The following DAPP1 variants were observed in gnomAD, a reference collection of about 807,000 sequenced individuals.
DAPP1 encodes the protein dual adapter for phosphotyrosine and 3-phosphotyrosine and 3-phosphoinositide.
DAPP1 carries 20 observed loss-of-function variants against 41.5 expected under a neutral mutation model. The ratio of observed to expected loss-of-function variants is 0.48; its 90% CI spans 0.34 to 0.70. The LOEUF (loss-of-function observed/expected upper bound fraction) is 0.70, where lower values mean the gene tolerates loss of function less well. Among genes scored for constraint, DAPP1 ranks in the 30% least tolerant of loss-of-function variants. The pLI, the probability that DAPP1 is intolerant of heterozygous loss-of-function variation, is 0.01. For missense variants in DAPP1, 233 were observed against 333.4 expected, an observed-to-expected ratio of 0.70 and a Z score of 2.35; for synonymous variants, 113 against 116.2, an observed-to-expected ratio of 0.97 and a Z score of 0.18.
At chr4:99,820,662 T>A (rs913433408) in intron 1 of DAPP1, among the ~76,000 whole-genome samples, 13 of 152,212 alleles carry the variant, frequency 8.5e-5, no homozygotes, top group African/African-American at 3.1e-4. Flanking sequence ...GAGTAGACCA[T>A]GGAGCAGCAA....
At chr4:99,827,786 G>T (rs7663454) in intron 1 of DAPP1, among the ~76,000 whole-genome samples, 3,475 of 152,214 alleles carry the variant, frequency 0.023, 132 homozygotes, top group African/African-American at 0.079. Context: ...AAGTTTGAAA[G>T]GTTTTCAGAT....
At chr4:99,858,037 C>T (rs1724107542) in intron 4 of DAPP1, among the ~76,000 whole-genome samples, 1 of 152,162 alleles carries the variant, frequency 6.6e-6, no homozygotes, top group African/African-American at 2.4e-5. Flanking sequence ...CTGAATATTT[C>T]AGTGTGTATT....
chr4:99,828,555 G>C (rs57412643), intron 1 of DAPP1, among the ~76,000 whole-genome samples: 3 of 151,980 alleles, frequency 2.0e-5, no homozygotes, highest in Non-Finnish European at 2.9e-5. Flanking sequence ...AACTATGAAG[G>C]TTCCACTATT....
chr4:99,863,533 C>T (rs1724313021), intron 6 of DAPP1, among the ~76,000 whole-genome samples: 1 of 152,070 alleles, frequency 6.6e-6, no homozygotes, highest in African/African-American at 2.4e-5. Flanking sequence ...GTGTTAAAAT[C>T]CATCTTCATC....
chr4:99,830,547 T>C (rs903899269), intron 1 of DAPP1, among the ~76,000 whole-genome samples: 8 of 152,110 alleles, frequency 5.3e-5, no homozygotes, highest in Non-Finnish European at 1.0e-4. Context: ...AGCCTCAATA[T>C]CCTCCACCTT....
chr4:99,870,141 C>T lies in DAPP1; in HGVS notation c.*1956C>T, dbSNP rs1022403732. The T allele has an allele frequency of 7.9e-5, 12 of 151,946 alleles. No individual in the cohort carries two copies. Among genetic ancestry groups the T allele is most frequent in the African/African-American group, 2.9e-4 (12 of 41,350 alleles). 9.4% of individuals were successfully genotyped at this position (151,946 alleles called of 1,614,324 possible). A position where few individuals can be genotyped will look rare whatever the true frequency, so the allele number is the denominator to read the frequency against. On this transcript the variant is annotated 3_prime_UTR_variant, in exon 9 of 9. Transcript: ENST00000512369. ...TATTAAAAAGCATGATTTTGCTGTG[C>T]ATGTACCATTTTGCTATTAAAATTT... is the stretch of plus-strand genomic sequence containing the variant.
chr4:99,870,652 A>G (rs1026541052), downstream of DAPP1, among the ~76,000 whole-genome samples: 1 of 152,224 alleles, frequency 6.6e-6, no homozygotes, highest in Non-Finnish European at 1.5e-5. Context: ...TGCCAACGGC[A>G]GATCAGAGCA....
chr4:99,832,687 ATAGT>A (rs1723167600), intron 1 of DAPP1, among the ~76,000 whole-genome samples: 1 of 152,270 alleles, frequency 6.6e-6, no homozygotes, highest in African/African-American at 2.4e-5. Flanking sequence ...TTTATGGTAT[ATAGT>A]TATTGTTTTT....
chr4:99,856,804 T>G (rs548043667), intron 4 of DAPP1, among the ~76,000 whole-genome samples: 1 of 152,304 alleles, frequency 6.6e-6, no homozygotes, highest in South Asian at 2.1e-4. Flanking sequence ...GTATTTATGC[T>G]AATTCCCTGT....
intron 3 of DAPP1, among the ~76,000 whole-genome samples, chr4:99,842,269 C>G (rs980658172): frequency 2.0e-5 from 3 of 152,248 alleles, no homozygotes; most frequent in Non-Finnish European, 4.4e-5. Flanking sequence ...TTCTCTAAAA[C>G]TCAAACCTGC....
intron 3 of DAPP1, among the ~76,000 whole-genome samples, chr4:99,852,751 A>T (rs1361725701): frequency 6.6e-6 from 1 of 152,206 alleles, no homozygotes; most frequent in Non-Finnish European, 1.5e-5. Flanking sequence ...AATGGAATGG[A>T]TCTTCCTCTA....
intron 4 of DAPP1, 38 bp from the exon 5 acceptor site, chr4:99,861,540 G>T: frequency 6.4e-7 from 1 of 1,554,484 alleles, no homozygotes; most frequent in Non-Finnish European, 8.7e-7. Flanking sequence ...GTCCTGTTGT[G>T]ACAGTTCTGG....
chr4:99,864,011 A>G (rs1724333678), intron 7 of DAPP1, 156 bp downstream of exon 7: 1 of 555,190 alleles, frequency 1.8e-6, no homozygotes, highest in Non-Finnish European at 3.1e-6. Flanking sequence ...GTGTGACATA[A>G]CACCTCATTT....
intron 4 of DAPP1, among the ~76,000 whole-genome samples, chr4:99,856,435 G>A (rs919370820): frequency 2.0e-5 from 3 of 152,144 alleles, no homozygotes; most frequent in African/African-American, 4.8e-5. Flanking sequence ...CAAAATTGAG[G>A]TGCTTCAAAG....
intron 8 of DAPP1, 132 bp from the exon 9 acceptor site, chr4:99,867,984 GT>G (rs995649135): frequency 1.0e-5 from 8 of 790,134 alleles, no homozygotes; most frequent in Middle Eastern, 5.2e-4. Context: ...ATAGTTGGGG[GT>G]GAGCACATGA....
chr4:99,856,685 C>G (rs1474701055), intron 4 of DAPP1, among the ~76,000 whole-genome samples: 1 of 152,176 alleles, frequency 6.6e-6, no homozygotes, highest in Non-Finnish European at 1.5e-5. Context: ...TGCAAGCTAA[C>G]AAGTTAGCCT....
chr4:99,866,631 A>G (rs1724470381), intron 8 of DAPP1: 1 of 763,474 alleles, frequency 1.3e-6, no homozygotes, highest in African/African-American at 1.7e-5. Context: ...GAGTACTTAT[A>G]AAACTTCACC....
At position 99,861,645 on chromosome 4, in the gene DAPP1, C is replaced by T; in HGVS notation, c.537+20C>T. ...GTCAAGGTAAGGAAGTGTGGTTTTGCTCATGCCAGCCACAGAAAAAAGAGA... is the reference window on the plus strand; with the variant it reads ...GTCAAGGTAAGGAAGTGTGGTTTTGTTCATGCCAGCCACAGAAAAAAGAGA... On this transcript the variant is annotated intron_variant, in intron 5 of 8. Coordinates refer to ENST00000512369, the MANE Select transcript of DAPP1 (RefSeq NM_014395.3). 1 of 1,564,090 alleles carries T rather than the reference C, an allele frequency of 6.4e-7. No individual in the cohort carries two copies. The highest frequency in any genetic ancestry group is 8.7e-7 in the Non-Finnish European group (1 of 1,153,422).
In DAPP1 at chr4:99,840,301, T is replaced by G; in HGVS notation, c.237T>G (p.Ser79=). 6.4e-7 allele frequency: 1 copy of G among 1,561,520 alleles called. No homozygotes were observed. The highest frequency in any genetic ancestry group is 8.7e-7 in the Non-Finnish European group (1 of 1,149,676). Residue 79 remains serine, a synonymous_variant, in exon 3 of 9, where the codon TCT becomes TCG. Transcript: ENST00000512369. The stretch of plus-strand genomic sequence containing the variant: ...TTTTCCCTTTTAGGGCCAAAGATTC[T>G]GTTAAACACTTTCATGTTGAATATA... ...LYSLSVRAKD[S]VKHFHVEYTG...
Sources: allele counts gnomAD v4.1 joint callset (sites outside exome capture counted in the v4.1 genomes callset), GRCh38; gene constraint gnomAD v4.1.1; transcripts MANE v1.5; gene names NCBI Gene and HGNC (gene_info 2026-07-23, HGNC 2026-07-21).